Variants in ZNRF3 observed in about 807,000 individuals in gnomAD.
ZNRF3 encodes zinc and ring finger 3, also known as E3 ubiquitin-protein ligase ZNRF3.
ZNRF3 carries 23 observed loss-of-function variants against 72.5 expected under a neutral mutation model. The observed-to-expected ratio is 0.32, with a 90% CI of 0.23 to 0.45. The LOEUF is 0.45. ZNRF3 is among the 20% of genes least tolerant of loss of function. The probability of loss-of-function intolerance (pLI) is 1.00; values close to 1 mark genes in which losing one functional copy is unlikely to be tolerated. For missense variants in ZNRF3, 1,169 were observed against 1,272.1 expected (o/e 0.92, Z 1.23); for synonymous variants, 610 against 545.3 (o/e 1.12, Z -1.65).
At chr22:28,982,566 T>TA (rs57062209) in intron 1 of ZNRF3, among the ~76,000 whole-genome samples, 232 of 137,626 alleles carry the variant, frequency 1.7e-3, no homozygotes, top group Admixed American at 2.1e-3. Flanking sequence ...ACCCTGCCTT[T>TA]AAAAAAAAAA....
chr22:28,988,485 A>G lies in ZNRF3; in HGVS notation c.426+1284A>G, dbSNP rs534815129. 2.0e-5 allele frequency among the ~76,000 whole-genome samples: 3 copies of G among 152,272 alleles called. No homozygotes were observed. In the South Asian group the frequency reaches 6.2e-4, roughly 32 times the overall value. ...TCCCTCTTGTCTTCTGAATAACTTCAAGTCACTTGTCAAGTTCTCCTGCCC... is the reference window on the plus strand; with the variant it reads ...TCCCTCTTGTCTTCTGAATAACTTCGAGTCACTTGTCAAGTTCTCCTGCCC... On this transcript the variant is annotated intron_variant, in intron 2 of 8. Coordinates refer to ENST00000544604, the MANE Select transcript of ZNRF3 (RefSeq NM_001206998.2).
chr22:29,042,067 GT>G (rs2036972661), intron 2 of ZNRF3, among the ~76,000 whole-genome samples: 1 of 152,054 alleles, frequency 6.6e-6, no homozygotes, highest in African/African-American at 2.4e-5. Flanking sequence ...CCTATTATAA[GT>G]CATCTGACCT....
chr22:28,991,810 C>G (rs2035958180), intron 2 of ZNRF3, among the ~76,000 whole-genome samples: 1 of 152,100 alleles, frequency 6.6e-6, no homozygotes, highest in Admixed American at 6.6e-5. Flanking sequence ...GGTTTCTTCT[C>G]TTTGCCTCCT....
chr22:28,953,832 T>C (rs1302961126), intron 1 of ZNRF3, among the ~76,000 whole-genome samples: 3 of 152,198 alleles, frequency 2.0e-5, no homozygotes, highest in Non-Finnish European at 4.4e-5. Flanking sequence ...GGAGAGGCCA[T>C]GTAGCATTGT....
chr22:28,905,940 C>G (rs1315881677), intron 1 of ZNRF3, among the ~76,000 whole-genome samples: 1 of 152,158 alleles, frequency 6.6e-6, no homozygotes, highest in African/African-American at 2.4e-5. Flanking sequence ...AGAAGCTGGC[C>G]TGGAGCTCAG....
intron 1 of ZNRF3, among the ~76,000 whole-genome samples, chr22:28,972,793 A>T (rs1284581333): frequency 6.6e-6 from 1 of 152,118 alleles, no homozygotes; most frequent in African/African-American, 2.4e-5. Context: ...ATGTCTCATT[A>T]TGGTTTTGAT....
intron 1 of ZNRF3, among the ~76,000 whole-genome samples, chr22:28,927,501 C>T (rs2034625680): frequency 6.6e-6 from 1 of 152,228 alleles, no homozygotes; most frequent in African/African-American, 2.4e-5. Context: ...TGAGCTACAA[C>T]TTGTTGCACT....
At chr22:28,921,421 A>G (rs1354403572) in intron 1 of ZNRF3, among the ~76,000 whole-genome samples, 2 of 152,258 alleles carry the variant, frequency 1.3e-5, no homozygotes, top group Admixed American at 6.5e-5. Context: ...GCATCCAACC[A>G]CAGAGCCCCT....
intron 2 of ZNRF3, among the ~76,000 whole-genome samples, chr22:28,995,616 T>C (rs183871306): frequency 6.6e-6 from 1 of 152,290 alleles, no homozygotes; most frequent in Non-Finnish European, 1.5e-5. Context: ...ATTTGGGCTT[T>C]TGTTTTCTGA....
At chr22:29,034,908 A>G (rs548259150) in intron 2 of ZNRF3, among the ~76,000 whole-genome samples, 1 of 152,104 alleles carries the variant, frequency 6.6e-6, no homozygotes, top group Middle Eastern at 3.4e-3. Flanking sequence ...TAACCAGTTA[A>G]TAACTACCGT....
At chr22:28,955,030 GTGTTTTTTTTTTTT>G (rs1310955442) in intron 1 of ZNRF3, among the ~76,000 whole-genome samples, 18 of 114,320 alleles carry the variant, frequency 1.6e-4, no homozygotes, top group South Asian at 8.3e-4. Context: ...GGTATTTTTG[GTGTTTTTTTTTTTT>G]TGTTTTTTTT....
At chr22:29,026,238 ACT>A (rs1171782125) in intron 2 of ZNRF3, 1 of 152,050 alleles carries the variant, frequency 6.6e-6, no homozygotes, top group Non-Finnish European at 1.5e-5. Flanking sequence ...AATATAGGAC[ACT>A]CTGCGTTTAA....
rs145503751 is a variant in ZNRF3 at position 29,016,783 on chromosome 22, A to C, written c.427-25712A>C. On this transcript the variant is annotated intron_variant, in intron 2 of 8. Transcript: ENST00000544604. ...GCTGCTCTATCTCAGAGCATTGTTC[A>C]TTCACCTGGAGAAACTTCCTTCCTG... Among the ~76,000 whole-genome samples, 4 of 152,324 alleles carry C rather than the reference A, an allele frequency of 2.6e-5. No homozygotes were observed. In the East Asian group the frequency reaches 5.8e-4, roughly 22 times the overall value.
chr22:29,031,137 A>C (rs1182242865), intron 2 of ZNRF3: 1 of 152,334 alleles, frequency 6.6e-6, no homozygotes, highest in African/African-American at 2.4e-5. Context: ...CAAGTCTTGA[A>C]AGTAAGCTAG....
rs1420952868 is a variant in ZNRF3 at position 28,966,853 on chromosome 22, A to G, written c.301-20223A>G. ...TTAGTGTAGCCTAAGTTACAGGCAC[A>G]TAGTTTTAAAAATCTTTTTTTTTTT... On this transcript the variant is annotated intron_variant, in intron 1 of 8. Coordinates refer to ENST00000544604, the MANE Select transcript of ZNRF3 (RefSeq NM_001206998.2). Among the ~76,000 whole-genome samples, 5 of 149,602 alleles carry G rather than the reference A, an allele frequency of 3.3e-5. No homozygotes were observed. The East Asian group carries it at 5.8e-4, about 17-fold the overall frequency.
chr22:28,902,982 AT>A (rs914986100), intron 1 of ZNRF3, among the ~76,000 whole-genome samples: 117 of 149,414 alleles, frequency 7.8e-4, no homozygotes, highest in Admixed American at 3.3e-3. Context: ...TAACATAGGA[AT>A]TTTTTTTTTT....
chr22:28,996,648 CA>C (rs1315744752), intron 2 of ZNRF3, among the ~76,000 whole-genome samples: 1 of 152,168 alleles, frequency 6.6e-6, no homozygotes, highest in East Asian at 1.9e-4. Context: ...TTCTGTTCTG[CA>C]GTACTGGGGC....
chr22:28,895,715 A>C (rs2033981597), intron 1 of ZNRF3, among the ~76,000 whole-genome samples: 1 of 151,974 alleles, frequency 6.6e-6, no homozygotes, highest in African/African-American at 2.4e-5. Context: ...CAGTGAGGGA[A>C]CTGTGGGCAA....
chr22:29,011,910 T>G (rs1263992244), intron 2 of ZNRF3, among the ~76,000 whole-genome samples: 2 of 152,192 alleles, frequency 1.3e-5, no homozygotes, highest in Admixed American at 1.3e-4. Context: ...TGCAAAGAAA[T>G]TTCCAGCTTC....
Sources: gnomAD v4.1 joint callset for allele counts (sites outside exome capture counted in the v4.1 genomes callset) on GRCh38, gnomAD v4.1.1 for gene constraint, MANE v1.5 for transcripts, NCBI Gene and HGNC (gene_info 2026-07-23, HGNC 2026-07-21) for gene names.